Variants in SOX10 observed in about 807,000 individuals in gnomAD.
SOX10 encodes the protein transcription factor SOX-10.
In SOX10, 3 loss-of-function variants were observed where a neutral mutation model predicts 35.0. That is an observed-to-expected ratio of 0.09 (90% CI 0.04 to 0.22). The LOEUF is 0.22. SOX10 is among the 10% of genes least tolerant of loss of function. SOX10 has a pLI of 1.00. For missense variants in SOX10, 436 were observed against 655.1 expected (o/e 0.67, Z 3.65); for synonymous variants, 285 against 291.0 (o/e 0.98, Z 0.21).
rs771153660 is a variant in SOX10 at position 37,983,560 on chromosome 22, G to A, written c.225C>T (p.Ala75=). 6 of 1,610,134 alleles carry A rather than the reference G, an allele frequency of 3.7e-6. No homozygotes were observed. The East Asian group carries it at 1.3e-4, about 36-fold the overall frequency. ...DDKFPVCIRE[A]VSQVLSGYDW... ...CGTAGCCGCTGAGCACCTGGCTGAC[G>A]GCCTCGCGGATGCACACGGGGAACT... is the stretch of plus-strand genomic sequence containing the variant. The change falls in exon 2 of 4, where the codon GCC becomes GCT. Residue 75 remains alanine, a synonymous_variant. Coordinates refer to ENST00000396884, the MANE Select transcript of SOX10 (RefSeq NM_006941.4). This position sits in a 1 kb window ranked among gnomAD's most constrained non-coding sequence, Gnocchi z 9.5.
rs1932470883 is a variant in SOX10, at chr22:37,983,589, C to T, written c.196G>A (p.Asp66Asn). ...TCGCGGATGCACACGGGGAACTTGT[C>T]ATCGTCCGCCTCGCCGTCCTGCTGC... is the stretch of plus-strand genomic sequence containing the variant. The part of the protein sequence containing the change: ...KEQQDGEADD[D>N]KFPVCIREAV... Residue 66 changes from aspartate (D) to asparagine (N), a missense_variant, in exon 2 of 4, where the codon GAC becomes AAC. Coordinates refer to ENST00000396884, the MANE Select transcript of SOX10 (RefSeq NM_006941.4). This position sits in a 1 kb window ranked among gnomAD's most constrained non-coding sequence, Gnocchi z 9.5. 6.2e-7 allele frequency: 1 copy of T among 1,609,442 alleles called. No homozygotes were observed. Among genetic ancestry groups the T allele is most frequent in the Non-Finnish European group, 8.5e-7 (1 of 1,178,964 alleles).
chr22:37,974,129 G>C lies in SOX10; in HGVS notation c.767C>G (p.Pro256Arg), dbSNP rs746972348. 4 of 1,612,654 alleles carry C rather than the reference G, an allele frequency of 2.5e-6. No homozygotes were observed. In the South Asian group the frequency reaches 3.3e-5, roughly 13 times the overall value. The change falls in exon 4 of 4, where the codon CCG (proline) becomes CGG (arginine). Residue 256 changes from proline to arginine, a missense_variant. Pro to Arg is a moderately radical substitution (Grantham distance 103). Coordinates refer to ENST00000396884, the MANE Select transcript of SOX10 (RefSeq NM_006941.4). The surrounding 1 kb of genome is among the most constrained non-coding windows in gnomAD (Gnocchi z 5.4). ...CCCCATGGAGCGCCCGTCCCGCTTCGGGTCTGCCTTGCCCGACTGCAGCTC... is the reference window on the plus strand; with the variant it reads ...CCCCATGGAGCGCCCGTCCCGCTTCCGGTCTGCCTTGCCCGACTGCAGCTC... The part of the protein sequence containing the change: ...KTELQSGKAD[P>R]KRDGRSMGEG...
rs1177161073 is a variant in SOX10, at chr22:37,974,869, G to T, written c.698-671C>A. ...CACACCCATGCCTACTGTCTTCCTT[G>T]CTGAGCCTCGCTCGCCCAGGCTCCT... On this transcript the variant is annotated intron_variant, in intron 3 of 3. Coordinates refer to ENST00000396884, the MANE Select transcript of SOX10 (RefSeq NM_006941.4). The surrounding 1 kb of genome is among the most constrained non-coding windows in gnomAD (Gnocchi z 5.4). Among the ~76,000 whole-genome samples the T allele has an allele frequency of 1.3e-5, 2 of 152,134 alleles. No homozygotes were observed. The highest frequency in any genetic ancestry group is 2.9e-5 in the Non-Finnish European group (2 of 68,034).
At chr22:37,979,901 C>T (rs1932342952) in intron 2 of SOX10, among the ~76,000 whole-genome samples, 2 of 152,014 alleles carry the variant, frequency 1.3e-5, no homozygotes, top group African/African-American at 4.8e-5. Flanking sequence ...CTTCAGCTGC[C>T]CCACCCCTCA....
chr22:37,975,389 G>T (rs139887), intron 3 of SOX10, among the ~76,000 whole-genome samples: 1 of 151,956 alleles, frequency 6.6e-6, no homozygotes, highest in South Asian at 2.1e-4. Context: ...ATGTCTGAGT[G>T]GGGTGGGGCC....
intron 2 of SOX10, among the ~76,000 whole-genome samples, chr22:37,981,100 C>G (rs1257799761): frequency 1.3e-5 from 2 of 152,220 alleles, no homozygotes; most frequent in Non-Finnish European, 2.9e-5. Flanking sequence ...GACCTGGGCT[C>G]CAGTGTGTCT....
intron 3 of SOX10, among the ~76,000 whole-genome samples, chr22:37,976,659 A>G (rs1035173784): frequency 6.6e-6 from 1 of 152,218 alleles, no homozygotes; most frequent in African/African-American, 2.4e-5. Context: ...TTTGTTTCTC[A>G]TCAGTAAAAT....
At chr22:37,982,329 TG>T (rs1932425099) in intron 2 of SOX10, among the ~76,000 whole-genome samples, 1 of 152,142 alleles carries the variant, frequency 6.6e-6, no homozygotes, top group Admixed American at 6.5e-5. Context: ...GAGAATCAGG[TG>T]ACTGCTACCG....
chr22:37,973,772 G>A lies in SOX10; in HGVS notation c.1124C>T (p.Thr375Ile), dbSNP rs780961079. 1.3e-6 allele frequency: 2 copies of A among 1,596,204 alleles called. No individual in the cohort carries two copies. Among genetic ancestry groups the A allele is most frequent in the East Asian group, 2.2e-5 (1 of 44,532 alleles). ...GPPHYTDQPS[T>I]SQIAYTSLSL... is the part of the protein sequence containing the mutation. ...GAGGGAGGTGTAGGCGATCTGTGAG[G>A]TGGATGGCTGGTCGGTGTAGTGTGG... The change falls in exon 4 of 4, where the codon ACC (threonine) becomes ATC (isoleucine). Residue 375 changes from threonine (T) to isoleucine (I), a missense_variant. Thr to Ile is a moderately conservative substitution (Grantham distance 89). Transcript: ENST00000396884.
Position 37,978,934 on chromosome 22 carries a change from G to A in SOX10, c.429-799C>T, listed in dbSNP as rs1569169569. 1.3e-5 allele frequency among the ~76,000 whole-genome samples: 2 copies of A among 151,954 alleles called. No individual in the cohort carries two copies. Among genetic ancestry groups the A allele is most frequent in the Admixed American group, 1.3e-4 (2 of 15,242 alleles). ...TGGGATTACAAGCATGCGCCACCACGCCCGGTTAATTTTTGTATTTTTAGT... is the reference window on the plus strand; with the variant it reads ...TGGGATTACAAGCATGCGCCACCACACCCGGTTAATTTTTGTATTTTTAGT... On this transcript the variant is annotated intron_variant, in intron 2 of 3. Coordinates refer to ENST00000396884, the MANE Select transcript of SOX10 (RefSeq NM_006941.4). This position sits in a 1 kb window ranked among gnomAD's most constrained non-coding sequence, Gnocchi z 5.0.
In SOX10 at chr22:37,973,707, G is replaced by A. The variant is rs1473395061; in HGVS notation, c.1189C>T (p.Arg397Cys). Reference protein sequence around the residue: ...HYGSAFPSISRPQFDYSDHQP... With the variant: ...HYGSAFPSISCPQFDYSDHQP... The stretch of plus-strand genomic sequence containing the variant: ...TGGTCAGAGTAGTCAAACTGGGGGC[G>A]GGAGATGGAGGGGAAGGCTGAGCCA... The change falls in exon 4 of 4, where the codon CGC (arginine) becomes TGC (cysteine). Residue 397 changes from arginine (R) to cysteine (C), a missense_variant. By Grantham distance (180) the Arg-to-Cys change is radical (BLOSUM62 -3). Coordinates refer to ENST00000396884, the MANE Select transcript of SOX10 (RefSeq NM_006941.4). 15 of 1,606,860 alleles carry A rather than the reference G, an allele frequency of 9.3e-6. No homozygotes were observed. The highest frequency in any genetic ancestry group is 1.7e-4 in the Middle Eastern group (1 of 6,060).
At position 37,977,897 on chromosome 22, in the gene SOX10, T is replaced by A; in HGVS notation, c.667A>T (p.Met223Leu). The change falls in exon 3 of 4, where the codon ATG (methionine) becomes TTG (leucine). Residue 223 changes from methionine (M) to leucine (L), a missense_variant. By Grantham distance (15) the Met-to-Leu change is conservative. This residue lies in a region of SOX10 where 285 missense variants were observed against 402.9 expected (regional missense o/e 0.71). Transcript: ENST00000396884. Reference protein sequence around the residue: ...DHRHPGEGSPMSDGNPEHPSG... With the variant: ...DHRHPGEGSPLSDGNPEHPSG... ...GGGTGCTCGGGGTTCCCATCTGACA[T>A]GGGGGAGCCCTCTCCTGGGTGCCGG... 1 of 1,612,582 alleles carries A rather than the reference T, an allele frequency of 6.2e-7. No individual in the cohort carries two copies.
chr22:37,974,161 C>A lies in SOX10; in HGVS notation c.735G>T (p.Pro245=). ...SHGPPTPPTT[P]KTELQSGKAD... ...CCTTGCCCGACTGCAGCTCTGTCTT[C>A]GGGGTGGTTGGAGGGGTGGGTGGGC... Residue 245 remains proline (P), a synonymous_variant, in exon 4 of 4, where the codon CCG becomes CCT. Transcript: ENST00000396884. The surrounding 1 kb of genome is among the most constrained non-coding windows in gnomAD (Gnocchi z 5.4). 7.4e-7 allele frequency: 1 copy of A among 1,346,422 alleles called. No individual in the cohort carries two copies. Among genetic ancestry groups the A allele is most frequent in the Non-Finnish European group, 1.0e-6 (1 of 992,318 alleles). The allele number at this position is 1,346,422 out of a possible 1,614,324, so 83.4% of individuals were successfully genotyped here.
rs371513888 is a variant in SOX10, at chr22:37,973,985, T to C, written c.911A>G (p.Asn304Ser). Residue 304 changes from asparagine to serine, a missense_variant, in exon 4 of 4, where the codon AAT (asparagine) becomes AGT (serine). Physicochemically the swap from Asn to Ser is conservative, Grantham distance 46. Around this residue, in one of 3 missense-constraint regions of SOX10, gnomAD observed 285 missense variants for 402.9 expected, o/e 0.71. Coordinates refer to ENST00000396884, the MANE Select transcript of SOX10 (RefSeq NM_006941.4). ...GCTGCTCACATGGCCTGGGTGCCCA[T>C]TGGGCGGCAGGTACTGGTCCAACTC... ...VAELDQYLPP[N>S]GHPGHVSSYS... 110 of 1,612,756 alleles carry C rather than the reference T, an allele frequency of 6.8e-5. No individual in the cohort carries two copies. The African/African-American group carries it at 1.1e-3, about 16-fold the overall frequency.
chr22:37,982,297 C>T (rs886919768), intron 2 of SOX10, among the ~76,000 whole-genome samples: 3 of 152,118 alleles, frequency 2.0e-5, no homozygotes, highest in African/African-American at 7.2e-5. Flanking sequence ...CCTTTCTGGG[C>T]CTGTCTCTTG....
chr22:37,980,414 G>C lies in SOX10; in HGVS notation c.429-2279C>G, dbSNP rs1413994020. On this transcript the variant is annotated intron_variant, in intron 2 of 3. Coordinates refer to ENST00000396884, the MANE Select transcript of SOX10 (RefSeq NM_006941.4). This position sits in a 1 kb window ranked among gnomAD's most constrained non-coding sequence, Gnocchi z 4.1. ...ATCAGCAAGAAAGTGACAGGGGCCA[G>C]AAGAGAGAGAGGATTCCAACATCGG... Among the ~76,000 whole-genome samples, 2 of 152,152 alleles carry C rather than the reference G, an allele frequency of 1.3e-5. No individual in the cohort carries two copies. Among genetic ancestry groups the C allele is most frequent in the Non-Finnish European group, 2.9e-5 (2 of 68,026 alleles).
chr22:37,973,571 G>A lies in SOX10; in HGVS notation c.1325C>T (p.Pro442Leu). 1.2e-6 allele frequency: 2 copies of A among 1,612,888 alleles called. No individual in the cohort carries two copies. Among genetic ancestry groups the A allele is most frequent in the African/African-American group, 1.3e-5 (1 of 75,034 alleles). Residue 442 changes from proline to leucine, a missense_variant, in exon 4 of 4, where the codon CCC becomes CTC. Physicochemically the swap from Pro to Leu is moderately conservative, Grantham distance 98. Around this residue, in one of 3 missense-constraint regions of SOX10, gnomAD observed 285 missense variants for 402.9 expected, o/e 0.71. Transcript: ENST00000396884. Reference sequence around the variant, plus strand: ...GTGGGACTGGGGCCCTGAGGGGCTGGGGTCAGAGATGGCCGTGTAGAGGGG... The same window carrying A: ...GTGGGACTGGGGCCCTGAGGGGCTGAGGTCAGAGATGGCCGTGTAGAGGGG... The part of the protein sequence containing the change: ...QRPLYTAISD[P>L]SPSGPQSHSP...
rs767871191 is a variant in SOX10, at chr22:37,973,572, G to A, written c.1324C>T (p.Pro442Ser). Residue 442 changes from proline (P) to serine (S), a missense_variant, in exon 4 of 4, where the codon CCC becomes TCC. Transcript: ENST00000396884. ...QRPLYTAISD[P>S]SPSGPQSHSP... ...TGGGACTGGGGCCCTGAGGGGCTGG[G>A]GTCAGAGATGGCCGTGTAGAGGGGC... The A allele has an allele frequency of 1.2e-6, 2 of 1,612,808 alleles. No individual in the cohort carries two copies. The highest frequency in any genetic ancestry group is 4.5e-5 in the East Asian group (2 of 44,888).
Position 37,973,752 on chromosome 22 carries a change from A to G in SOX10, c.1144T>C (p.Ser382Pro). 6.3e-7 allele frequency: 1 copy of G among 1,598,354 alleles called. No individual in the cohort carries two copies. Among genetic ancestry groups the G allele is most frequent in the East Asian group, 2.2e-5 (1 of 44,562 alleles). Residue 382 changes from serine (S) to proline (P), a missense_variant, in exon 4 of 4, where the codon TCC becomes CCC. This residue lies in a region of SOX10 where 285 missense variants were observed against 402.9 expected (regional missense o/e 0.71). Coordinates refer to ENST00000396884, the MANE Select transcript of SOX10 (RefSeq NM_006941.4). ...QPSTSQIAYTSLSLPHYGSAF... is the reference protein window; with the variant it reads ...QPSTSQIAYTPLSLPHYGSAF... ...GAGCCATAGTGGGGCAGGCTGAGGG[A>G]GGTGTAGGCGATCTGTGAGGTGGAT... is the stretch of plus-strand genomic sequence containing the variant.
Sources: allele counts gnomAD v4.1 joint callset (sites outside exome capture counted in the v4.1 genomes callset), GRCh38; gene constraint gnomAD v4.1.1; regional missense constraint gnomAD v4.1.1; non-coding constraint Gnocchi (gnomAD v3.1); transcripts MANE v1.5; gene names NCBI Gene and HGNC (gene_info 2026-07-23, HGNC 2026-07-21).